The following ARPP21 variants were observed in gnomAD, a reference collection of about 807,000 sequenced individuals.
ARPP21 encodes cAMP regulated phosphoprotein 21, also known as cAMP-regulated phosphoprotein 21.
In ARPP21, 69 loss-of-function variants were observed where a neutral mutation model predicts 113.2. That is an observed-to-expected ratio of 0.61 (90% CI 0.50 to 0.74). The LOEUF is 0.74. ARPP21 is among the 30% of genes least tolerant of loss of function. ARPP21 has a pLI of 0.00. For synonymous variants in ARPP21, 368 were observed against 375.5 expected (o/e 0.98, Z 0.23); for missense variants, 1,070 against 1,037.4 (o/e 1.03, Z -0.43).
intron 19 of ARPP21, among the ~76,000 whole-genome samples, chr3:35,757,569 C>A (rs11129667): frequency 1.3e-5 from 2 of 151,860 alleles, no homozygotes. Context: ...AAAGAGAAGA[C>A]AATCCAAGTG....
chr3:35,663,522 G>T (rs1435998727), intron 1 of ARPP21, among the ~76,000 whole-genome samples: 2 of 152,176 alleles, frequency 1.3e-5, no homozygotes, highest in East Asian at 3.8e-4. Context: ...GCATCATGAA[G>T]CATCAGCATT....
intron 1 of ARPP21, among the ~76,000 whole-genome samples, chr3:35,649,376 G>A (rs1701505488): frequency 6.6e-6 from 1 of 152,098 alleles, no homozygotes. Flanking sequence ...GAATAACAAG[G>A]CTCCTAAAAG....
intron 8 of ARPP21, among the ~76,000 whole-genome samples, chr3:35,690,394 G>A (rs1347131151): frequency 6.6e-6 from 1 of 151,446 alleles, no homozygotes; most frequent in Admixed American, 6.6e-5. Context: ...GCATAGAGTA[G>A]CTGTAACAAG....
In ARPP21 at chr3:35,695,422, G is replaced by A. The variant is rs192424487; in HGVS notation, c.686+4417G>A. Reference sequence around the variant, plus strand: ...TGGTCACACAAAAAATTACAAGATGGGATTCATGTCCTCAAACGTTTTACA... The same window carrying A: ...TGGTCACACAAAAAATTACAAGATGAGATTCATGTCCTCAAACGTTTTACA... On this transcript the variant is annotated intron_variant, in intron 9 of 20. Transcript: ENST00000684406. 2.2e-3 allele frequency among the ~76,000 whole-genome samples: 327 copies of A among 151,486 alleles called. 1 individual carries two copies. The highest frequency in any genetic ancestry group is 7.5e-3 in the African/African-American group (312 of 41,412).
intron 1 of ARPP21, among the ~76,000 whole-genome samples, chr3:35,672,570 T>A (rs2076591088): frequency 6.6e-6 from 1 of 152,076 alleles, no homozygotes; most frequent in African/African-American, 2.4e-5. Context: ...CTCTTTTCAT[T>A]CACTGAGTCA....
In ARPP21 at chr3:35,721,850, T is replaced by A. The variant is rs1215806104; in HGVS notation, c.1225+16T>A. On this transcript the variant is annotated intron_variant, in intron 14 of 20. Coordinates refer to ENST00000684406, the MANE Select transcript of ARPP21 (RefSeq NM_001385562.1). ...TCCAAAGCAGGTAGTTAGTACTGAA[T>A]GTGTTTATGTCCTGTGGTATTTTTT... 2 of 1,526,296 alleles carry A rather than the reference T, an allele frequency of 1.3e-6. No homozygotes were observed. Among genetic ancestry groups the A allele is most frequent in the Admixed American group, 1.8e-5 (1 of 54,066 alleles). The allele number at this position is 1,526,296 out of a possible 1,614,324, so 94.5% of individuals were successfully genotyped here. A position where few individuals can be genotyped will look rare whatever the true frequency, so the allele number is the denominator to read the frequency against.
intron 9 of ARPP21, among the ~76,000 whole-genome samples, chr3:35,695,201 A>G (rs1326390196): frequency 1.3e-5 from 2 of 151,516 alleles, no homozygotes; most frequent in African/African-American, 4.8e-5. Flanking sequence ...CAATGAGACA[A>G]GATGGAAAGA....
chr3:35,784,291 G>T (rs1445006067), intron 19 of ARPP21, among the ~76,000 whole-genome samples: 1 of 152,172 alleles, frequency 6.6e-6, no homozygotes, highest in Non-Finnish European at 1.5e-5. Context: ...TCTCATGCTG[G>T]CTCACAAGAG....
intron 1 of ARPP21, among the ~76,000 whole-genome samples, chr3:35,676,279 C>T (rs1164424028): frequency 6.6e-6 from 1 of 151,862 alleles, no homozygotes; most frequent in Non-Finnish European, 1.5e-5. Flanking sequence ...GGCATCAGTT[C>T]CTTCCACTTT....
intron 7 of ARPP21, 60 bp downstream of exon 7, chr3:35,689,445 G>A: frequency 1.1e-6 from 1 of 870,816 alleles, no homozygotes; most frequent in South Asian, 1.4e-5. Flanking sequence ...TACAATCAAA[G>A]TTATTAATCC....
chr3:35,773,228 C>T (rs1214868998), intron 19 of ARPP21, among the ~76,000 whole-genome samples: 1 of 152,034 alleles, frequency 6.6e-6, no homozygotes, highest in African/African-American at 2.4e-5. Context: ...TAATTATGGG[C>T]AACTTGAGTG....
rs2096765527 is a variant in ARPP21 at position 35,792,439 on chromosome 3, A to G, written c.2195A>G (p.Gln732Arg). ...TTCCAAGGCCTAATAGGAGTGCAGC[A>G]GCCACCTCAGAGTCAGAACGTGATA... ...QGFQGLIGVQ[Q>R]PPQSQNVINN... The change falls in exon 20 of 21, where the codon CAG becomes CGG. Residue 732 changes from glutamine to arginine, a missense_variant. Coordinates refer to ENST00000684406, the MANE Select transcript of ARPP21 (RefSeq NM_001385562.1). 4 of 1,613,956 alleles carry G rather than the reference A, an allele frequency of 2.5e-6. No individual in the cohort carries two copies. The highest frequency in any genetic ancestry group is 3.4e-6 in the Non-Finnish European group (4 of 1,179,808).
At chr3:35,757,227 TA>T (rs112002226) in intron 19 of ARPP21, among the ~76,000 whole-genome samples, 3,206 of 143,122 alleles carry the variant, frequency 0.022, 89 homozygotes, top group African/African-American at 0.071. Context: ...TCTGGCTAAT[TA>T]AAAAAAAAAA....
At chr3:35,760,776 T>C (rs1453071530) in intron 19 of ARPP21, among the ~76,000 whole-genome samples, 1 of 152,050 alleles carries the variant, frequency 6.6e-6, no homozygotes, top group Non-Finnish European at 1.5e-5. Context: ...AAAAAGTGCA[T>C]TTTCATGGTT....
intron 19 of ARPP21, among the ~76,000 whole-genome samples, chr3:35,772,749 T>C (rs1339830866): frequency 6.6e-6 from 1 of 152,236 alleles, no homozygotes; most frequent in Non-Finnish European, 1.5e-5. Context: ...TGTGTGGCAA[T>C]CACAGATTTA....
intron 1 of ARPP21, among the ~76,000 whole-genome samples, chr3:35,668,456 G>C (rs2075500099): frequency 6.6e-6 from 1 of 151,898 alleles, no homozygotes; most frequent in South Asian, 2.1e-4. Flanking sequence ...GCCTAATCTG[G>C]AATTGGCATC....
rs145851636 is a variant in ARPP21, at chr3:35,748,110, GAAGAAAGA to G, written c.2137+4156_2137+4163del. On this transcript the variant is annotated intron_variant, in intron 19 of 20. Coordinates refer to ENST00000684406, the MANE Select transcript of ARPP21 (RefSeq NM_001385562.1). ...AGAAAGAAAGAAAGAAAGAAAGAAA[GAAGAAAGA>G]AAGAAAGAAAAGAAAGAAAGGGAGA... Among the ~76,000 whole-genome samples the G allele has an allele frequency of 4.2e-5, 4 of 95,958 alleles. No homozygotes were observed. In the Admixed American group the frequency reaches 4.4e-4, roughly 11 times the overall value. 63.0% of individuals were successfully genotyped at this position (95,958 alleles called of 152,430 possible).
At chr3:35,663,544 G>A (rs995624771) in intron 1 of ARPP21, among the ~76,000 whole-genome samples, 3 of 152,172 alleles carry the variant, frequency 2.0e-5, no homozygotes, top group African/African-American at 7.2e-5. Flanking sequence ...TGCCCTTCTT[G>A]TTCCAGAGAA....
At chr3:35,741,297 G>A (rs911026317) in intron 18 of ARPP21, among the ~76,000 whole-genome samples, 1 of 152,078 alleles carries the variant, frequency 6.6e-6, no homozygotes. Context: ...GATAAAACAG[G>A]TGTCCATGGT....
Sources: gnomAD v4.1 joint callset for allele counts (sites outside exome capture counted in the v4.1 genomes callset) on GRCh38, gnomAD v4.1.1 for gene constraint, MANE v1.5 for transcripts, NCBI Gene and HGNC (gene_info 2026-07-23, HGNC 2026-07-21) for gene names.